TBC1D14: variants seen among roughly 807,000 people sequenced by gnomAD.
TBC1D14 encodes the protein TBC1 domain family, member 14.
Under a neutral mutation model 79.0 loss-of-function variants are expected in TBC1D14, and 26 were observed. The ratio of observed to expected loss-of-function variants is 0.33; its 90% CI spans 0.24 to 0.46. The LOEUF (loss-of-function observed/expected upper bound fraction) is 0.46. Ranked by LOEUF, TBC1D14 falls within the 20% of genes least tolerant of loss-of-function variation. The pLI is 1.00. For synonymous variants in TBC1D14, 394 were observed against 349.9 expected, an observed-to-expected ratio of 1.13 and a Z score of -1.40; for missense variants, 769 against 887.6, an observed-to-expected ratio of 0.87 and a Z score of 1.70.
rs1023610871 is a variant in TBC1D14 at position 7,030,491 on chromosome 4, G to A, written c.*99G>A. 1.4e-5 allele frequency: 18 copies of A among 1,257,570 alleles called. No homozygotes were observed. The highest frequency in any genetic ancestry group is 7.4e-5 in the East Asian group (3 of 40,408). The allele number at this position is 1,257,570 out of a possible 1,614,324, so 77.9% of individuals were successfully genotyped here. A position where few individuals can be genotyped will look rare whatever the true frequency, so the allele number is the denominator to read the frequency against. On this transcript the variant is annotated 3_prime_UTR_variant, in exon 14 of 14. Coordinates refer to ENST00000409757, the MANE Select transcript of TBC1D14 (RefSeq NM_020773.3). Reference sequence around the variant, plus strand: ...ACCCGGGCAGCCGAGAAGAACAGACGCTCTTTAAGTTTGATTCCTAACACT... The same window carrying A: ...ACCCGGGCAGCCGAGAAGAACAGACACTCTTTAAGTTTGATTCCTAACACT...
chr4:7,014,322 C>T, intron 11 of TBC1D14, 126 bp from the exon 12 acceptor site: 1 of 621,266 alleles, frequency 1.6e-6, no homozygotes, highest in Non-Finnish European at 2.9e-6. Context: ...AGTTGCCATT[C>T]AAAGTGTATT....
chr4:7,028,175 C>G (rs1257492366), intron 13 of TBC1D14, among the ~76,000 whole-genome samples: 2 of 151,952 alleles, frequency 1.3e-5, no homozygotes, highest in African/African-American at 4.8e-5. Context: ...CTCACATGCA[C>G]ATACACACCC....
chr4:6,986,984 T>G (rs1223215964), intron 3 of TBC1D14, among the ~76,000 whole-genome samples: 2 of 152,204 alleles, frequency 1.3e-5, no homozygotes, highest in Non-Finnish European at 2.9e-5. Flanking sequence ...TTCTCAGCTC[T>G]CGGGTGATCT....
At chr4:7,016,001 T>C (rs1164356073) in intron 12 of TBC1D14, among the ~76,000 whole-genome samples, 1 of 152,218 alleles carries the variant, frequency 6.6e-6, no homozygotes, top group Non-Finnish European at 1.5e-5. Flanking sequence ...GTTGCCCACT[T>C]TCTTCATCAG....
intron 2 of TBC1D14, among the ~76,000 whole-genome samples, chr4:6,949,716 A>G (rs531081434): frequency 2.7e-5 from 4 of 149,156 alleles, no homozygotes; most frequent in Non-Finnish European, 5.9e-5. Flanking sequence ...TTGAACCTCT[A>G]TTTAGGTTTT....
intron 3 of TBC1D14, among the ~76,000 whole-genome samples, chr4:6,971,744 A>G (rs909859321): frequency 6.6e-6 from 1 of 152,156 alleles, no homozygotes; most frequent in African/African-American, 2.4e-5. Flanking sequence ...ACATCAAACC[A>G]AGTTCTGGGG....
intron 2 of TBC1D14, among the ~76,000 whole-genome samples, chr4:6,949,288 TA>T (rs1236979387): frequency 6.6e-6 from 1 of 152,134 alleles, no homozygotes; most frequent in East Asian, 1.9e-4. Flanking sequence ...TTCATTTCTA[TA>T]TAGATTTTAG....
rs12641208 is a variant in TBC1D14, at chr4:7,005,765, C to G, written c.1351+841C>G. 4.1e-4 allele frequency among the ~76,000 whole-genome samples: 63 copies of G among 152,122 alleles called. No homozygotes were observed. The East Asian group carries it at 0.011, about 26-fold the overall frequency. ...GTTTGTGTCCTGACATGCTGGAGGG[C>G]CCGTCATAACCAGTGCCATTCCCTT... On this transcript the variant is annotated intron_variant, in intron 8 of 13. Transcript: ENST00000409757.
At chr4:6,954,042 C>T (rs1393583051) in intron 2 of TBC1D14, among the ~76,000 whole-genome samples, 1 of 152,238 alleles carries the variant, frequency 6.6e-6, no homozygotes, top group Non-Finnish European at 1.5e-5. Context: ...GGCCCGAGAA[C>T]CCGTCACTCA....
chr4:6,933,215 T>A (rs922421028), intron 2 of TBC1D14, among the ~76,000 whole-genome samples: 2 of 140,866 alleles, frequency 1.4e-5, no homozygotes, highest in African/African-American at 5.3e-5. Context: ...TCACTGAAAT[T>A]GTGTAAGGCT....
At chr4:6,925,866 G>A (rs569097471) in intron 2 of TBC1D14, among the ~76,000 whole-genome samples, 7 of 152,264 alleles carry the variant, frequency 4.6e-5, no homozygotes, top group South Asian at 2.1e-4. Context: ...CGTTCCACGC[G>A]GACCTCAGGA....
intron 7 of TBC1D14, among the ~76,000 whole-genome samples, chr4:7,002,666 A>G (rs1234326859): frequency 1.3e-5 from 2 of 152,028 alleles, no homozygotes; most frequent in Non-Finnish European, 2.9e-5. Context: ...TGTGCTCTCT[A>G]CCTTTTCACC....
At chr4:6,978,155 G>A (rs1310069050) in intron 3 of TBC1D14, among the ~76,000 whole-genome samples, 16 of 146,058 alleles carry the variant, frequency 1.1e-4, no homozygotes, top group South Asian at 2.2e-4. Flanking sequence ...CGCCCCGTCC[G>A]GGAGGTGAGG....
chr4:7,021,254 G>A (rs1368409922), intron 12 of TBC1D14, among the ~76,000 whole-genome samples: 5 of 152,198 alleles, frequency 3.3e-5, no homozygotes, highest in Non-Finnish European at 5.9e-5. Context: ...GCTTTTGTCT[G>A]GGGTCTTTTC....
chr4:6,920,872 G>A (rs1252833589), intron 1 of TBC1D14, among the ~76,000 whole-genome samples: 1 of 152,174 alleles, frequency 6.6e-6, no homozygotes, highest in Non-Finnish European at 1.5e-5. Context: ...TCCACCTCCC[G>A]AGTTCAAGCA....
intron 2 of TBC1D14, chr4:6,954,256 G>A (rs1371024231): frequency 9.8e-6 from 7 of 717,340 alleles, no homozygotes; most frequent in Admixed American, 4.0e-5. Flanking sequence ...GGGAGAGTCC[G>A]TGCTTCTGCA....
intron 12 of TBC1D14, among the ~76,000 whole-genome samples, chr4:7,021,903 T>C (rs541358463): frequency 6.6e-6 from 1 of 152,294 alleles, no homozygotes; most frequent in African/African-American, 2.4e-5. Flanking sequence ...AGGTGGACCT[T>C]GAACCAGGAG....
chr4:6,992,209 C>T (rs1211603683), intron 3 of TBC1D14, among the ~76,000 whole-genome samples: 4 of 152,174 alleles, frequency 2.6e-5, no homozygotes, highest in African/African-American at 7.2e-5. Flanking sequence ...GTACCTTGCC[C>T]GAGGTCACAG....
intron 2 of TBC1D14, among the ~76,000 whole-genome samples, chr4:6,928,031 G>A (rs1207930836): frequency 6.6e-6 from 1 of 152,044 alleles, no homozygotes; most frequent in Admixed American, 6.5e-5. Flanking sequence ...GTTGGGCTTT[G>A]TGAAGCCAGG....
Sources: gnomAD v4.1 joint callset for allele counts (sites outside exome capture counted in the v4.1 genomes callset) on GRCh38, gnomAD v4.1.1 for gene constraint, MANE v1.5 for transcripts, NCBI Gene and HGNC (gene_info 2026-07-23, HGNC 2026-07-21) for gene names.